Variants in SYNE1 observed in about 807,000 individuals in gnomAD.
The protein encoded by SYNE1 is spectrin repeat containing nuclear envelope protein 1, also known as nesprin-1.
SYNE1 carries 616 observed loss-of-function variants against 1,111.0 expected under a neutral mutation model. That is an observed-to-expected ratio of 0.55 (90% CI 0.52 to 0.59). The LOEUF is 0.59. Among genes scored for constraint, SYNE1 ranks in the 20% least tolerant of loss-of-function variants. The pLI is 0.00. For synonymous variants in SYNE1, 3,855 were observed against 3,825.8 expected, an observed-to-expected ratio of 1.01 and a Z score of -0.28; for missense variants, 10,006 against 10,417.0, an observed-to-expected ratio of 0.96 and a Z score of 1.72.
At chr6:152,636,059 A>G (rs932388204) in intron 2 of SYNE1, among the ~76,000 whole-genome samples, 4 of 152,204 alleles carry the variant, frequency 2.6e-5, no homozygotes, top group African/African-American at 4.8e-5. Flanking sequence ...AGATCTCTCT[A>G]TGTGAAACGT....
chr6:152,585,776 G>A (rs2099536286), intron 3 of SYNE1, among the ~76,000 whole-genome samples: 1 of 152,032 alleles, frequency 6.6e-6, no homozygotes, highest in Non-Finnish European at 1.5e-5. Flanking sequence ...ATAGTTCTAT[G>A]GTTTCATCTT....
chr6:152,601,643 C>T (rs918353281), intron 3 of SYNE1, among the ~76,000 whole-genome samples: 19 of 152,240 alleles, frequency 1.2e-4, no homozygotes, highest in African/African-American at 4.6e-4. Flanking sequence ...CCCTTAAACA[C>T]CCACAGAAAA....
At chr6:152,407,412 G>A (rs1322712922) in intron 44 of SYNE1, among the ~76,000 whole-genome samples, 1 of 152,166 alleles carries the variant, frequency 6.6e-6, no homozygotes, top group Non-Finnish European at 1.5e-5. Context: ...TTGAATTTCT[G>A]AGACATTGCA....
chr6:152,549,144 G>A (rs1390995727), intron 3 of SYNE1, among the ~76,000 whole-genome samples: 1 of 152,174 alleles, frequency 6.6e-6, no homozygotes, highest in Non-Finnish European at 1.5e-5. Flanking sequence ...TCAACAAACT[G>A]AGGCCTAAGA....
intron 100 of SYNE1, among the ~76,000 whole-genome samples, chr6:152,263,266 G>A (rs1419540033): frequency 6.6e-6 from 1 of 151,918 alleles, no homozygotes; most frequent in Non-Finnish European, 1.5e-5. Context: ...CAGAGAGACA[G>A]TACAGCACCT....
At chr6:152,132,363 A>T in intron 143 of SYNE1, 149 bp from the exon 144 acceptor site, 1 of 753,442 alleles carries the variant, frequency 1.3e-6, no homozygotes, top group Non-Finnish European at 2.3e-6. Flanking sequence ...ATGGAACCAG[A>T]CAGGTACAAG....
intron 87 of SYNE1, among the ~76,000 whole-genome samples, chr6:152,313,132 T>A (rs2095604151): frequency 6.6e-6 from 1 of 152,204 alleles, no homozygotes; most frequent in African/African-American, 2.4e-5. Context: ...TGACAAAAGA[T>A]TGTTGATCTT....
At chr6:152,302,160 G>A in intron 91 of SYNE1, 97 bp from the exon 92 acceptor site, 1 of 1,541,340 alleles carries the variant, frequency 6.5e-7, no homozygotes, top group Non-Finnish European at 8.9e-7. Context: ...CAATGAGCGC[G>A]CAGAGCCGCG....
At chr6:152,282,413 C>A (rs534948712) in intron 96 of SYNE1, among the ~76,000 whole-genome samples, 1 of 152,250 alleles carries the variant, frequency 6.6e-6, no homozygotes, top group African/African-American at 2.4e-5. Context: ...TCTAAAACAG[C>A]AGCCACATAC....
chr6:152,627,610 T>C (rs1458564891), intron 3 of SYNE1, among the ~76,000 whole-genome samples: 2 of 151,940 alleles, frequency 1.3e-5, no homozygotes, highest in Admixed American at 1.3e-4. Flanking sequence ...TGAGCCGAGA[T>C]AGTGCTACTG....
intron 32 of SYNE1, among the ~76,000 whole-genome samples, chr6:152,439,732 A>T (rs2098510904): frequency 6.6e-6 from 1 of 152,126 alleles, no homozygotes; most frequent in South Asian, 2.1e-4. Context: ...GCTAAAGGCT[A>T]GGGAAGGGTG....
chr6:152,179,902 C>G (rs1348853939), intron 129 of SYNE1, among the ~76,000 whole-genome samples: 4 of 151,746 alleles, frequency 2.6e-5, no homozygotes, highest in African/African-American at 9.7e-5. Context: ...CCAGGATGGT[C>G]TTGATCTCCT....
intron 42 of SYNE1, among the ~76,000 whole-genome samples, chr6:152,411,715 A>C (rs188250122): frequency 1.2e-3 from 140 of 117,850 alleles, no homozygotes; most frequent in Non-Finnish European, 2.1e-3. Context: ...AAAGTCACAC[A>C]CACACACACA....
intron 3 of SYNE1, among the ~76,000 whole-genome samples, chr6:152,602,411 C>A (rs928393366): frequency 6.6e-6 from 1 of 152,144 alleles, no homozygotes; most frequent in Non-Finnish European, 1.5e-5. Flanking sequence ...CCTCCCAACC[C>A]TCAGAAGGAG....
intron 3 of SYNE1, among the ~76,000 whole-genome samples, chr6:152,600,367 G>A (rs892042539): frequency 6.6e-6 from 1 of 152,148 alleles, no homozygotes; most frequent in African/African-American, 2.4e-5. Context: ...CAAATGGCTG[G>A]TAAAGGGTGA....
At chr6:152,550,366 C>A (rs972319068) in intron 3 of SYNE1, among the ~76,000 whole-genome samples, 2 of 151,896 alleles carry the variant, frequency 1.3e-5, no homozygotes, top group Admixed American at 1.3e-4. Flanking sequence ...CTATATAAAG[C>A]AAAATCTATT....
chr6:152,454,779 G>A (rs2098682799), intron 24 of SYNE1, among the ~76,000 whole-genome samples: 1 of 152,154 alleles, frequency 6.6e-6, no homozygotes, highest in Non-Finnish European at 1.5e-5. Flanking sequence ...CTAGTCTGCA[G>A]AATCACAAAT....
chr6:152,294,013 C>T lies in SYNE1; in HGVS notation c.17797G>A (p.Ala5933Thr), dbSNP rs113962905. The change falls in exon 94 of 146, where the codon GCT (alanine) becomes ACT (threonine). Residue 5933 changes from alanine to threonine, a missense_variant. By Grantham distance (58) the Ala-to-Thr change is moderately conservative. Around this residue, in one of 7 missense-constraint regions of SYNE1, gnomAD observed 4,955 missense variants for 5,017.2 expected, o/e 0.99. Transcript: ENST00000367255. Reference sequence around the variant, plus strand: ...TGCAAATCACCCAGTTTGGCAGTAGCGGATGGCTCCAATCCCGGTTCATAG... The same window carrying T: ...TGCAAATCACCCAGTTTGGCAGTAGTGGATGGCTCCAATCCCGGTTCATAG... ...EFYEPGLEPSATAKLGDLQRS... is the reference protein window; with the variant it reads ...EFYEPGLEPSTTAKLGDLQRS... The T allele has an allele frequency of 8.4e-4, 1,359 of 1,614,080 alleles. 13 individuals carry two copies. In the Middle Eastern group the frequency reaches 0.011, roughly 13 times the overall value.
rs114761509 is a variant in SYNE1, at chr6:152,506,736, C to T, written c.582-1339G>A. Among the ~76,000 whole-genome samples the T allele has an allele frequency of 9.4e-3, 1,434 of 151,950 alleles. 30 individuals are homozygous for T. The highest frequency in any genetic ancestry group is 0.033 in the African/African-American group (1,374 of 41,426). On this transcript the variant is annotated intron_variant, in intron 8 of 145. Coordinates refer to ENST00000367255, the MANE Select transcript of SYNE1 (RefSeq NM_182961.4). ...TTTGTATTATTGAATACAAAAAATA[C>T]AAAAAATCAATAAGAATACAAACAT...
Sources: gnomAD v4.1 joint callset for allele counts (sites outside exome capture counted in the v4.1 genomes callset) on GRCh38, gnomAD v4.1.1 for gene constraint, gnomAD v4.1.1 regional missense constraint, MANE v1.5 for transcripts, NCBI Gene and HGNC (gene_info 2026-07-23, HGNC 2026-07-21) for gene names.